DYM: variants seen among roughly 807,000 people sequenced by gnomAD.
DYM encodes dyggve-Melchior-Clausen syndrome protein.
A neutral mutation model predicts 93.1 loss-of-function variants in DYM; 78 were observed. That is an observed-to-expected ratio of 0.84 (90% CI 0.70 to 1.01). The LOEUF (loss-of-function observed/expected upper bound fraction) is 1.01, where lower values mean the gene tolerates loss of function less well. DYM is among the 50% of genes least tolerant of loss of function. The pLI is 0.00. For synonymous variants in DYM, 321 were observed against 319.7 expected (o/e 1.00, Z -0.04); for missense variants, 789 against 845.0 (o/e 0.93, Z 0.82).
chr18:49,408,725 A>C (rs2071824517), intron 2 of DYM, among the ~76,000 whole-genome samples: 1 of 152,220 alleles, frequency 6.6e-6, no homozygotes, highest in Admixed American at 6.5e-5. Flanking sequence ...ATGATGTCTA[A>C]GTAGCAAATT....
At position 49,413,866 on chromosome 18, in the gene DYM, C is replaced by T. The variant is rs544335996; in HGVS notation, c.140+16389G>A. ...CTCCACTAAAAAATACAAAAATTAGCGGGCATGGTGGTGCACACTTGTAAT... is the reference window on the plus strand; with the variant it reads ...CTCCACTAAAAAATACAAAAATTAGTGGGCATGGTGGTGCACACTTGTAAT... On this transcript the variant is annotated intron_variant, in intron 2 of 17. Transcript: ENST00000675505. Among the ~76,000 whole-genome samples the T allele has an allele frequency of 1.4e-4, 21 of 152,058 alleles. No individual in the cohort carries two copies. The South Asian group carries it at 4.1e-3, about 30-fold the overall frequency.
chr18:49,458,356 A>G (rs947092898), intron 1 of DYM, among the ~76,000 whole-genome samples: 1 of 152,114 alleles, frequency 6.6e-6, no homozygotes, highest in South Asian at 2.1e-4. Context: ...AACAATCAGG[A>G]TGGCAGGATC....
intron 1 of DYM, among the ~76,000 whole-genome samples, chr18:49,458,093 G>A (rs544771459): frequency 5.9e-5 from 9 of 152,134 alleles, no homozygotes; most frequent in Non-Finnish European, 1.2e-4. Context: ...TAAATTTGTG[G>A]TAACATGTTA....
chr18:49,201,753 A>C (rs1225187798), intron 14 of DYM, among the ~76,000 whole-genome samples: 2 of 152,226 alleles, frequency 1.3e-5, no homozygotes, highest in Non-Finnish European at 1.5e-5. Flanking sequence ...TGCTAATAGC[A>C]CATTATCTAT....
Position 49,365,062 on chromosome 18 carries a change from C to T in DYM, c.422-1829G>A, listed in dbSNP as rs1461424086. 2.0e-5 allele frequency among the ~76,000 whole-genome samples: 3 copies of T among 152,022 alleles called. No individual in the cohort carries two copies. In the East Asian group the frequency reaches 5.8e-4, roughly 29 times the overall value. On this transcript the variant is annotated intron_variant, in intron 5 of 17. Coordinates refer to ENST00000675505, the MANE Select transcript of DYM (RefSeq NM_001353214.3). ...GATGATGACTCACAAAGAGCTTGCA[C>T]ATAGTATGTACTCAATACAATTTGC... is the stretch of plus-strand genomic sequence containing the variant.
At chr18:49,423,550 A>G (rs1430665638) in intron 2 of DYM, among the ~76,000 whole-genome samples, 1 of 152,256 alleles carries the variant, frequency 6.6e-6, no homozygotes, top group Non-Finnish European at 1.5e-5. Flanking sequence ...AGATCGGAGC[A>G]GAACTGAAGG....
intron 1 of DYM, among the ~76,000 whole-genome samples, chr18:49,452,559 G>A (rs1309989079): frequency 6.6e-6 from 1 of 152,148 alleles, no homozygotes; most frequent in Non-Finnish European, 1.5e-5. Context: ...GCTGATTGGT[G>A]CATTTACAAA....
At chr18:49,312,093 T>C (rs1048027495) in intron 8 of DYM, among the ~76,000 whole-genome samples, 1 of 152,172 alleles carries the variant, frequency 6.6e-6, no homozygotes, top group African/African-American at 2.4e-5. Context: ...TCACTATTGC[T>C]TATGTTGATG....
chr18:49,269,726 T>C (rs2094643542), intron 11 of DYM, among the ~76,000 whole-genome samples: 5 of 152,166 alleles, frequency 3.3e-5, no homozygotes, highest in Admixed American at 2.0e-4. Flanking sequence ...TATTCATGTG[T>C]TTGTGGTGAC....
intron 8 of DYM, among the ~76,000 whole-genome samples, chr18:49,292,355 GACACACAC>G (rs57025579): frequency 0.04 from 3,411 of 84,682 alleles, 145 homozygotes; most frequent in African/African-American, 0.11. Flanking sequence ...CAGACAGACA[GACACACAC>G]ACACACACAC....
intron 14 of DYM, among the ~76,000 whole-genome samples, chr18:49,179,863 CA>C (rs901858667): frequency 6.6e-6 from 1 of 151,670 alleles, no homozygotes; most frequent in South Asian, 2.1e-4. Context: ...CCACTTAAGG[CA>C]AAAAAAGAAA....
At chr18:49,138,242 T>A (rs747732023) in intron 15 of DYM, among the ~76,000 whole-genome samples, 17 of 152,200 alleles carry the variant, frequency 1.1e-4, no homozygotes, top group Non-Finnish European at 1.5e-5. Flanking sequence ...ACCTTCTAAA[T>A]GGCTTCAGCT....
At chr18:49,246,315 A>G (rs1465565617) in intron 13 of DYM, among the ~76,000 whole-genome samples, 1 of 152,076 alleles carries the variant, frequency 6.6e-6, no homozygotes, top group Non-Finnish European at 1.5e-5. Flanking sequence ...GTTTATTCCC[A>G]TTTCTCCTGT....
At chr18:49,350,216 G>C (rs2064987592) in intron 6 of DYM, among the ~76,000 whole-genome samples, 1 of 152,124 alleles carries the variant, frequency 6.6e-6, no homozygotes, top group Admixed American at 6.5e-5. Flanking sequence ...ATTCATTGGA[G>C]TGTTGTTTAT....
At chr18:49,064,513 C>T (rs375042310) in intron 17 of DYM, among the ~76,000 whole-genome samples, 1 of 152,172 alleles carries the variant, frequency 6.6e-6, no homozygotes, top group Non-Finnish European at 1.5e-5. Flanking sequence ...CCTAAAGAAA[C>T]TGTTAACAGT....
At chr18:49,277,564 CA>C (rs747646778) in intron 10 of DYM, among the ~76,000 whole-genome samples, 6 of 152,118 alleles carry the variant, frequency 3.9e-5, no homozygotes, top group Admixed American at 2.6e-4. Flanking sequence ...GATTAGGTAA[CA>C]GGGGTGGAGC....
At chr18:49,052,186 A>C (rs1403717895) in intron 17 of DYM, among the ~76,000 whole-genome samples, 1 of 152,186 alleles carries the variant, frequency 6.6e-6, no homozygotes, top group Non-Finnish European at 1.5e-5. Flanking sequence ...GCCTGGGAAC[A>C]CTTTAAAAGG....
chr18:49,300,533 G>C (rs1451017099), intron 8 of DYM, among the ~76,000 whole-genome samples: 1 of 151,732 alleles, frequency 6.6e-6, no homozygotes, highest in African/African-American at 2.4e-5. Context: ...CTGGGAAGCG[G>C]AAATTAGAGT....
chr18:49,205,421 G>C (rs576657394), intron 14 of DYM, among the ~76,000 whole-genome samples: 1 of 151,928 alleles, frequency 6.6e-6, no homozygotes, highest in African/African-American at 2.4e-5. Flanking sequence ...TCCAGTCTTA[G>C]GACAAATTAA....
Sources: gnomAD v4.1 joint callset for allele counts (sites outside exome capture counted in the v4.1 genomes callset) on GRCh38, gnomAD v4.1.1 for gene constraint, MANE v1.5 for transcripts, NCBI Gene and HGNC (gene_info 2026-07-23, HGNC 2026-07-21) for gene names.